TRANK1: variants seen among roughly 807,000 people sequenced by gnomAD.
TRANK1 encodes tetratricopeptide repeat and ankyrin repeat containing 1.
In TRANK1, 198 loss-of-function variants were observed where a neutral mutation model predicts 266.0. The observed-to-expected ratio is 0.74, with a 90% CI of 0.66 to 0.84. The LOEUF (loss-of-function observed/expected upper bound fraction) is 0.84, where lower values mean the gene tolerates loss of function less well. TRANK1 is among the 40% of genes least tolerant of loss of function. The pLI is 0.00. For missense variants in TRANK1, 3,326 were observed against 3,634.6 expected (o/e 0.92, Z 2.18); for synonymous variants, 1,396 against 1,384.1 (o/e 1.01, Z -0.19).
chr3:36,830,586 C>T (rs2078679283), intron 22 of TRANK1, among the ~76,000 whole-genome samples: 1 of 152,162 alleles, frequency 6.6e-6, no homozygotes, highest in Admixed American at 6.5e-5. Context: ...GCGATTCATT[C>T]TACACAAGCT....
upstream of TRANK1, chr3:36,945,056 A>G: frequency 2.3e-6 from 1 of 442,702 alleles, no homozygotes; most frequent in Non-Finnish European, 4.0e-6. Flanking sequence ...ACCTATTCCA[A>G]GTTTCCACGT....
At chr3:36,881,408 C>A (rs574528216) in intron 8 of TRANK1, among the ~76,000 whole-genome samples, 2 of 152,026 alleles carry the variant, frequency 1.3e-5, no homozygotes, top group African/African-American at 4.8e-5. Context: ...GAGATCGCAC[C>A]ACTGCACTCC....
At chr3:36,830,759 G>T in intron 22 of TRANK1, 114 bp downstream of exon 22, 1 of 1,201,998 alleles carries the variant, frequency 8.3e-7, no homozygotes. Flanking sequence ...TTCTTCTAAG[G>T]CCAAGATTCC....
intron 10 of TRANK1, among the ~76,000 whole-genome samples, chr3:36,861,691 T>G (rs927507159): frequency 1.3e-5 from 2 of 150,314 alleles, no homozygotes; most frequent in African/African-American, 4.9e-5. Context: ...TGGTGAATCT[T>G]AAGAGTAGAA....
intron 1 of TRANK1, among the ~76,000 whole-genome samples, chr3:36,909,581 G>GTACC (rs1053033597): frequency 1.3e-5 from 2 of 152,202 alleles, no homozygotes; most frequent in African/African-American, 4.8e-5. Context: ...CAGATGACAT[G>GTACC]TACCTATGGG....
rs530189512 is a variant in TRANK1 at position 36,926,716 on chromosome 3, A to G, written c.23+18071T>C. 1.1e-4 allele frequency among the ~76,000 whole-genome samples: 17 copies of G among 152,342 alleles called. No individual in the cohort carries two copies. The South Asian group carries it at 3.3e-3, about 30-fold the overall frequency. On this transcript the variant is annotated intron_variant, in intron 1 of 23. Transcript: ENST00000645898. ...CTGTGTACCTCTGCAGGTTTTCTCT[A>G]TGGTTGGGAAACAACAAAGTTAATG...
At position 36,895,752 on chromosome 3, in the gene TRANK1, G is replaced by T; in HGVS notation, c.440C>A (p.Ser147Tyr). The T allele has an allele frequency of 2.6e-6, 4 of 1,528,704 alleles. No homozygotes were observed. The highest frequency in any genetic ancestry group is 2.6e-6 in the Non-Finnish European group (3 of 1,143,432). 94.7% of individuals were successfully genotyped at this position (1,528,704 alleles called of 1,614,324 possible). The change falls in exon 5 of 24, where the codon TCC becomes TAC. Residue 147 changes from serine (S) to tyrosine (Y), a missense_variant. By Grantham distance (144) the Ser-to-Tyr change is moderately radical (BLOSUM62 -2). Coordinates refer to ENST00000645898, the MANE Select transcript of TRANK1 (RefSeq NM_001329998.2). ...VGVFTTMSSD[S>Y]IVLQSFLPCF... Reference sequence around the variant, plus strand: ...AGGCAAGAAACTTTGCAAAACAATGGAGTCACCTAAAAGAAAGTTTCATAA... The same window carrying T: ...AGGCAAGAAACTTTGCAAAACAATGTAGTCACCTAAAAGAAAGTTTCATAA...
rs1407280552 is a variant in TRANK1, at chr3:36,886,133, T to G, written c.907+3696A>C. 7.3e-4 allele frequency among the ~76,000 whole-genome samples: 50 copies of G among 68,182 alleles called. No individual in the cohort carries two copies. In the South Asian group the frequency reaches 0.019, roughly 26 times the overall value. 44.7% of individuals were successfully genotyped at this position (68,182 alleles called of 152,430 possible). A position where few individuals can be genotyped will look rare whatever the true frequency, so the allele number is the denominator to read the frequency against. On this transcript the variant is annotated intron_variant, in intron 8 of 23. Transcript: ENST00000645898. ...CCTTCTTTTTTTGTTGTTGTTGTTT[T>G]TTTTTTTTTTTTTTTTTTTGAGACA...
Position 36,892,287 on chromosome 3 carries a change from G to A in TRANK1, c.690C>T (p.Val230=), listed in dbSNP as rs971934914. 18 of 1,537,082 alleles carry A rather than the reference G, an allele frequency of 1.2e-5. No homozygotes were observed. In the African/African-American group the frequency reaches 1.5e-4, roughly 13 times the overall value. The change falls in exon 7 of 24, where the codon GTC becomes GTT. Residue 230 remains valine (V), a synonymous_variant. Coordinates refer to ENST00000645898, the MANE Select transcript of TRANK1 (RefSeq NM_001329998.2). ...YEKMEQVPKL[V]QWLISIGASV... is the part of the protein sequence containing the mutation. Reference sequence around the variant, plus strand: ...TTGCACCAATGGAGATGAGCCACTGGACTAACTTGGGCACTTGTTCCATCT... The same window carrying A: ...TTGCACCAATGGAGATGAGCCACTGAACTAACTTGGGCACTTGTTCCATCT...
At chr3:36,866,002 A>G (rs112574904) in intron 9 of TRANK1, among the ~76,000 whole-genome samples, 1 of 150,344 alleles carries the variant, frequency 6.7e-6, no homozygotes, top group South Asian at 2.1e-4. Context: ...AAGAAAGAGA[A>G]AGAGAGAGAG....
Position 36,857,643 on chromosome 3 carries a change from A to G in TRANK1, c.2079T>C (p.Thr693=), listed in dbSNP as rs760677991. 6 of 1,613,890 alleles carry G rather than the reference A, an allele frequency of 3.7e-6. No individual in the cohort carries two copies. The African/African-American group carries it at 6.7e-5, about 18-fold the overall frequency. Residue 693 remains threonine (T), a synonymous_variant, in exon 13 of 24, where the codon ACT becomes ACC. Coordinates refer to ENST00000645898, the MANE Select transcript of TRANK1 (RefSeq NM_001329998.2). This position sits in a 1 kb window ranked among gnomAD's most constrained non-coding sequence, Gnocchi z 4.3. ...GSFKSVPCGA[T]ARTLPEGSAV... is the part of the protein sequence containing the mutation. ...CACTTCCTTCAGGCAGTGTTCTGGC[A>G]GTGGCACCACATGGCACTGACTTGA... is the stretch of plus-strand genomic sequence containing the variant.
intron 1 of TRANK1, among the ~76,000 whole-genome samples, chr3:36,941,560 G>C (rs2080496818): frequency 6.6e-6 from 1 of 152,242 alleles, no homozygotes; most frequent in Admixed American, 6.5e-5. Flanking sequence ...AAAAATGTCT[G>C]CTCTGGCAGA....
At chr3:36,940,340 G>A (rs2080480440) in intron 1 of TRANK1, among the ~76,000 whole-genome samples, 2 of 151,502 alleles carry the variant, frequency 1.3e-5, no homozygotes, top group Admixed American at 1.3e-4. Flanking sequence ...TACTAAAAAA[G>A]TACAAAAAAA....
At chr3:36,896,283 G>T (rs1397155481) in intron 4 of TRANK1, among the ~76,000 whole-genome samples, 1 of 152,078 alleles carries the variant, frequency 6.6e-6, no homozygotes, top group Non-Finnish European at 1.5e-5. Context: ...TGACCTGGTG[G>T]CCCATCGACC....
intron 8 of TRANK1, among the ~76,000 whole-genome samples, chr3:36,876,861 T>C (rs2079396982): frequency 6.6e-6 from 1 of 152,194 alleles, no homozygotes; most frequent in South Asian, 2.1e-4. Context: ...ACAGATGTAA[T>C]GATCCAACCT....
Position 36,857,111 on chromosome 3 carries a change from A to C in TRANK1, c.2611T>G (p.Trp871Gly), listed in dbSNP as rs2079067530. The change falls in exon 13 of 24, where the codon TGG becomes GGG. Residue 871 changes from tryptophan (W) to glycine (G), a missense_variant. Physicochemically the swap from Trp to Gly is radical, Grantham distance 184. Transcript: ENST00000645898. The surrounding 1 kb of genome is among the most constrained non-coding windows in gnomAD (Gnocchi z 4.3). ...AGTCGCTTCTGCAGGCCCTGGGTCC[A>C]CTCGCCATTTCCCAGCTGCTGAATG... ...LAIQQLGNGEWTQGLQKRLKH... is the reference protein window; with the variant it reads ...LAIQQLGNGEGTQGLQKRLKH... 1.2e-6 allele frequency: 2 copies of C among 1,613,862 alleles called. No homozygotes were observed. Among genetic ancestry groups the C allele is most frequent in the African/African-American group, 2.7e-5 (2 of 74,986 alleles).
At chr3:36,835,184 T>C (rs1307034257) in intron 20 of TRANK1, among the ~76,000 whole-genome samples, 1 of 150,482 alleles carries the variant, frequency 6.6e-6, no homozygotes, top group African/African-American at 2.4e-5. Flanking sequence ...CCGGGCGTAG[T>C]GGCGGGCGCC....
In TRANK1 at chr3:36,892,150, G is replaced by C. The variant is rs748887974; in HGVS notation, c.775+52C>G. ...TTCACTTGAGCTCAACAGAGTTCCA[G>C]AACTAGGCTAGAAGGGCAGCTTGGA... On this transcript the variant is annotated intron_variant, in intron 7 of 23. Coordinates refer to ENST00000645898, the MANE Select transcript of TRANK1 (RefSeq NM_001329998.2). 1.0e-4 allele frequency: 159 copies of C among 1,522,384 alleles called. 1 individual carries two copies. The Admixed American group carries it at 2.1e-3, about 20-fold the overall frequency. The allele number at this position is 1,522,384 out of a possible 1,614,324, so 94.3% of individuals were successfully genotyped here.
Position 36,889,754 on chromosome 3 carries a change from C to T in TRANK1, c.907+75G>A. 4.8e-6 allele frequency: 7 copies of T among 1,455,266 alleles called. No individual in the cohort carries two copies. The South Asian group carries it at 5.7e-5, about 12-fold the overall frequency. 90.1% of individuals were successfully genotyped at this position (1,455,266 alleles called of 1,614,324 possible). A position where few individuals can be genotyped will look rare whatever the true frequency, so the allele number is the denominator to read the frequency against. On this transcript the variant is annotated intron_variant, in intron 8 of 23. Coordinates refer to ENST00000645898, the MANE Select transcript of TRANK1 (RefSeq NM_001329998.2). The stretch of plus-strand genomic sequence containing the variant: ...TAGGGATAGAATGGGTAAAACAAGG[C>T]AGTCGGTGGTGTGGGTCCTCAAAGC...
Sources: allele counts gnomAD v4.1 joint callset (sites outside exome capture counted in the v4.1 genomes callset), GRCh38; gene constraint gnomAD v4.1.1; non-coding constraint Gnocchi (gnomAD v3.1); transcripts MANE v1.5; gene names NCBI Gene and HGNC (gene_info 2026-07-23, HGNC 2026-07-21).